Variants in KCNQ5 observed in about 807,000 individuals in gnomAD.
KCNQ5 encodes the protein potassium voltage-gated channel subfamily KQT member 5.
KCNQ5 carries 30 observed loss-of-function variants against 98.2 expected under a neutral mutation model. The ratio of observed to expected loss-of-function variants is 0.31; its 90% CI spans 0.23 to 0.41. The LOEUF (loss-of-function observed/expected upper bound fraction) is 0.41, where lower values mean the gene tolerates loss of function less well. KCNQ5 is among the 10% of genes least tolerant of loss of function. KCNQ5 has a pLI of 1.00. For missense variants in KCNQ5, 835 were observed against 1,182.5 expected, an observed-to-expected ratio of 0.71 and a Z score of 4.31; for synonymous variants, 458 against 449.4, an observed-to-expected ratio of 1.02 and a Z score of -0.24.
At chr6:73,005,011 C>T (rs1022661253) in intron 2 of KCNQ5, among the ~76,000 whole-genome samples, 1 of 152,188 alleles carries the variant, frequency 6.6e-6, no homozygotes, top group Non-Finnish European at 1.5e-5. Flanking sequence ...CTTTTCCTAC[C>T]TTTGCTTTCA....
chr6:72,908,681 G>A (rs1054458040), intron 1 of KCNQ5, among the ~76,000 whole-genome samples: 2 of 152,066 alleles, frequency 1.3e-5, no homozygotes, highest in African/African-American at 4.8e-5. Flanking sequence ...TTTGAATAGG[G>A]CTAGAAGCAA....
chr6:72,932,057 G>T (rs1270685007), intron 1 of KCNQ5, among the ~76,000 whole-genome samples: 2 of 152,134 alleles, frequency 1.3e-5, no homozygotes, highest in East Asian at 1.9e-4. Flanking sequence ...GGGATGTGGG[G>T]AGTTCCTCAT....
chr6:73,060,571 A>G (rs1772733543), intron 3 of KCNQ5, among the ~76,000 whole-genome samples: 1 of 152,178 alleles, frequency 6.6e-6, no homozygotes, highest in Non-Finnish European at 1.5e-5. Flanking sequence ...ACATAAAATC[A>G]AAGAATACTG....
chr6:73,119,945 AAAG>A (rs1368597935), intron 7 of KCNQ5, among the ~76,000 whole-genome samples: 1 of 152,082 alleles, frequency 6.6e-6, no homozygotes, highest in Non-Finnish European at 1.5e-5. Context: ...GTTGTTTTGA[AAAG>A]AAGCTCTGGC....
chr6:73,121,084 A>T (rs946249783), intron 8 of KCNQ5, among the ~76,000 whole-genome samples: 2 of 152,206 alleles, frequency 1.3e-5, no homozygotes, highest in Non-Finnish European at 2.9e-5. Flanking sequence ...AGAGAAAAAT[A>T]GGAGTCCTAA....
At chr6:73,137,471 T>TA (rs1214944741) in intron 10 of KCNQ5, among the ~76,000 whole-genome samples, 1 of 152,176 alleles carries the variant, frequency 6.6e-6, no homozygotes, top group Non-Finnish European at 1.5e-5. Context: ...AATTCTATAA[T>TA]AAAAGATAGA....
At chr6:72,972,937 T>G (rs1344164514) in intron 1 of KCNQ5, among the ~76,000 whole-genome samples, 2 of 152,184 alleles carry the variant, frequency 1.3e-5, no homozygotes, top group African/African-American at 4.8e-5. Context: ...TAACAGTACA[T>G]CAGAGATTTG....
At chr6:72,688,797 C>T (rs1768074071) in intron 1 of KCNQ5, among the ~76,000 whole-genome samples, 2 of 152,096 alleles carry the variant, frequency 1.3e-5, no homozygotes, top group South Asian at 4.1e-4. Flanking sequence ...TATAATAATG[C>T]AAAATGTCTA....
chr6:72,842,275 C>A (rs939729180), intron 1 of KCNQ5, among the ~76,000 whole-genome samples: 2 of 152,176 alleles, frequency 1.3e-5, no homozygotes, highest in Non-Finnish European at 2.9e-5. Context: ...GTCCATTGCA[C>A]TTTGGCCCCT....
chr6:72,848,803 C>T (rs551621453), intron 1 of KCNQ5, among the ~76,000 whole-genome samples: 111 of 152,220 alleles, frequency 7.3e-4, no homozygotes, highest in Non-Finnish European at 1.4e-3. Flanking sequence ...TTATAAAAGG[C>T]TTCTCCCGCT....
At chr6:72,697,971 T>A (rs1217697738) in intron 1 of KCNQ5, among the ~76,000 whole-genome samples, 7 of 152,142 alleles carry the variant, frequency 4.6e-5, no homozygotes, top group Non-Finnish European at 1.0e-4. Context: ...ATCCCAGTAC[T>A]TTGGGAGGCT....
intron 6 of KCNQ5, among the ~76,000 whole-genome samples, chr6:73,109,251 G>A (rs1775127517): frequency 6.6e-6 from 1 of 152,154 alleles, no homozygotes; most frequent in Non-Finnish European, 1.5e-5. Context: ...AGATTGTTTG[G>A]CAGATGATAA....
chr6:72,623,834 T>C (rs2098916786), intron 1 of KCNQ5, among the ~76,000 whole-genome samples: 1 of 152,214 alleles, frequency 6.6e-6, no homozygotes, highest in South Asian at 2.1e-4. Flanking sequence ...TAGAAATAAG[T>C]TATGTCATCC....
intron 1 of KCNQ5, among the ~76,000 whole-genome samples, chr6:72,721,812 A>T (rs772137586): frequency 6.6e-6 from 1 of 152,214 alleles, no homozygotes; most frequent in East Asian, 1.9e-4. Context: ...AAGGAGGGCT[A>T]TCAGGCTGTG....
At chr6:72,638,306 A>G (rs2098925339) in intron 1 of KCNQ5, among the ~76,000 whole-genome samples, 1 of 152,028 alleles carries the variant, frequency 6.6e-6, no homozygotes, top group African/African-American at 2.4e-5. Flanking sequence ...ATGGTTCCAG[A>G]TCTTTTACAT....
At chr6:72,858,951 G>A (rs1562029488) in intron 1 of KCNQ5, among the ~76,000 whole-genome samples, 1 of 150,600 alleles carries the variant, frequency 6.6e-6, no homozygotes, top group Non-Finnish European at 1.5e-5. Context: ...GGCAGAAGCT[G>A]GATGAAATCT....
chr6:72,631,479 A>G (rs1306922496), intron 1 of KCNQ5, among the ~76,000 whole-genome samples: 1 of 152,246 alleles, frequency 6.6e-6, no homozygotes, highest in Non-Finnish European at 1.5e-5. Flanking sequence ...TTGTGGAAAC[A>G]AAGGGTATTG....
chr6:72,901,138 C>T (rs1049318967), intron 1 of KCNQ5, among the ~76,000 whole-genome samples: 2 of 135,016 alleles, frequency 1.5e-5, no homozygotes, highest in South Asian at 2.9e-4. Context: ...CCCCCCTCCC[C>T]CGACCCCACA....
intron 1 of KCNQ5, among the ~76,000 whole-genome samples, chr6:72,838,128 G>A (rs1315771069): frequency 9.3e-6 from 1 of 107,080 alleles, no homozygotes; most frequent in Non-Finnish European, 1.7e-5. Flanking sequence ...AACAGGCCCC[G>A]ACACCAGGTT....
Sources: allele counts gnomAD v4.1 joint callset (sites outside exome capture counted in the v4.1 genomes callset), GRCh38; gene constraint gnomAD v4.1.1; transcripts MANE v1.5; gene names NCBI Gene and HGNC (gene_info 2026-07-23, HGNC 2026-07-21).